FCHSD2: variants seen among roughly 807,000 people sequenced by gnomAD.
FCHSD2 encodes F-BAR and double SH3 domains protein 2.
In FCHSD2, 38 loss-of-function variants were observed where a neutral mutation model predicts 108.1. That is an observed-to-expected ratio of 0.35 (90% CI 0.27 to 0.46). The LOEUF is 0.46. FCHSD2 is among the 20% of genes least tolerant of loss of function. The pLI, the probability that FCHSD2 is intolerant of heterozygous loss-of-function variation, is 1.00. For missense variants in FCHSD2, 751 were observed against 897.8 expected, an observed-to-expected ratio of 0.84 and a Z score of 2.09; for synonymous variants, 279 against 314.7, an observed-to-expected ratio of 0.89 and a Z score of 1.20.
intron 1 of FCHSD2, chr11:73,141,306 C>T (rs1029029608): frequency 6.5e-6 from 1 of 154,112 alleles, no homozygotes; most frequent in African/African-American, 2.4e-5. Context: ...CCCGTCAATC[C>T]TTAATTTGTT....
chr11:72,987,390 T>G (rs1459084628), intron 6 of FCHSD2, among the ~76,000 whole-genome samples: 1 of 152,234 alleles, frequency 6.6e-6, no homozygotes, highest in Non-Finnish European at 1.5e-5. Flanking sequence ...AGTAAGTTAT[T>G]AGTTAATATT....
chr11:73,036,248 A>G (rs1251148047), intron 3 of FCHSD2, among the ~76,000 whole-genome samples: 1 of 152,082 alleles, frequency 6.6e-6, no homozygotes, highest in African/African-American at 2.4e-5. Context: ...GAAACATTAA[A>G]GTATTGGAGC....
chr11:72,938,667 T>C (rs1856352432), intron 8 of FCHSD2, among the ~76,000 whole-genome samples: 1 of 151,440 alleles, frequency 6.6e-6, no homozygotes. Context: ...CTGGAGAGGG[T>C]CAATTTTCAT....
chr11:72,941,162 AAAAT>A (rs1345509904), intron 8 of FCHSD2: 4 of 385,252 alleles, frequency 1.0e-5, no homozygotes, highest in African/African-American at 2.0e-5. Context: ...GACAGTCAAA[AAAAT>A]AAATAAATAA....
intron 2 of FCHSD2, among the ~76,000 whole-genome samples, chr11:73,092,521 T>A (rs989131896): frequency 2.0e-5 from 3 of 152,212 alleles, no homozygotes; most frequent in Admixed American, 2.0e-4. Flanking sequence ...AGCATTTAAG[T>A]ATACTCTGTA....
At chr11:73,082,356 A>AAAAG (rs1859713475) in intron 3 of FCHSD2, among the ~76,000 whole-genome samples, 2 of 149,918 alleles carry the variant, frequency 1.3e-5, no homozygotes, top group Middle Eastern at 3.2e-3. Context: ...AAAAAAAAAA[A>AAAAG]AAAAAAGAAA....
intron 14 of FCHSD2, among the ~76,000 whole-genome samples, chr11:72,844,123 C>T (rs1298007108): frequency 1.3e-5 from 2 of 152,174 alleles, no homozygotes; most frequent in African/African-American, 4.8e-5. Context: ...AAATGACAAT[C>T]CTGCCATTTT....
chr11:73,064,116 C>T (rs1223237418), intron 3 of FCHSD2, among the ~76,000 whole-genome samples: 1 of 152,106 alleles, frequency 6.6e-6, no homozygotes, highest in Non-Finnish European at 1.5e-5. Context: ...CAAACTAGAA[C>T]TCAGGATTAA....
At chr11:72,951,701 T>C (rs1287514154) in intron 8 of FCHSD2, among the ~76,000 whole-genome samples, 1 of 152,224 alleles carries the variant, frequency 6.6e-6, no homozygotes, top group Non-Finnish European at 1.5e-5. Context: ...CCTGGTTTGA[T>C]GGAAGAAACA....
chr11:72,885,186 C>G (rs1417508667), intron 12 of FCHSD2, among the ~76,000 whole-genome samples: 1 of 151,856 alleles, frequency 6.6e-6, no homozygotes, highest in Non-Finnish European at 1.5e-5. Context: ...CTCATATTTG[C>G]TGGCTAATTT....
chr11:72,967,442 GT>G (rs1856931385), intron 8 of FCHSD2, among the ~76,000 whole-genome samples: 1 of 152,060 alleles, frequency 6.6e-6, no homozygotes, highest in East Asian at 1.9e-4. Context: ...AAAAAATAAA[GT>G]ACTATTACTA....
intron 12 of FCHSD2, among the ~76,000 whole-genome samples, chr11:72,870,410 T>C (rs1036242919): frequency 1.3e-5 from 2 of 152,120 alleles, no homozygotes; most frequent in Non-Finnish European, 2.9e-5. Flanking sequence ...ATATCCTATA[T>C]AACTGTGCTT....
intron 8 of FCHSD2, among the ~76,000 whole-genome samples, chr11:72,947,524 C>A (rs1196260165): frequency 6.6e-6 from 1 of 152,222 alleles, no homozygotes; most frequent in Non-Finnish European, 1.5e-5. Context: ...ATGAACTAAT[C>A]AACCAGAGTC....
intron 8 of FCHSD2, among the ~76,000 whole-genome samples, chr11:72,978,988 G>A (rs1455079018): frequency 1.3e-5 from 2 of 151,234 alleles, no homozygotes; most frequent in Non-Finnish European, 2.9e-5. Context: ...TCCCTGAGTA[G>A]CTGGGACTAC....
intron 3 of FCHSD2, among the ~76,000 whole-genome samples, chr11:73,079,048 A>G (rs574944851): frequency 1.3e-5 from 2 of 152,194 alleles, no homozygotes; most frequent in Admixed American, 1.3e-4. Context: ...CTTAATCTGG[A>G]TAATAGTTTA....
At chr11:72,968,072 C>T (rs1040325510) in intron 8 of FCHSD2, among the ~76,000 whole-genome samples, 1 of 134,422 alleles carries the variant, frequency 7.4e-6, no homozygotes, top group Admixed American at 7.9e-5. Context: ...GCCTGGGCAA[C>T]AGAGCAAGAC....
At chr11:73,068,918 G>A (rs950956175) in intron 3 of FCHSD2, among the ~76,000 whole-genome samples, 1 of 151,596 alleles carries the variant, frequency 6.6e-6, no homozygotes, top group African/African-American at 2.4e-5. Context: ...GGGAGGCTGA[G>A]GTAGGAGGAT....
At position 73,037,824 on chromosome 11, in the gene FCHSD2, G is replaced by C. The variant is rs544057484; in HGVS notation, c.166-21939C>G. On this transcript the variant is annotated intron_variant, in intron 3 of 19. Coordinates refer to ENST00000409418, the MANE Select transcript of FCHSD2 (RefSeq NM_014824.3). ...AAAGCAATCACACTTGTTATGCATAGAGCAGAACCTCAAACATAGTGGACA... is the reference window on the plus strand; with the variant it reads ...AAAGCAATCACACTTGTTATGCATACAGCAGAACCTCAAACATAGTGGACA... Among the ~76,000 whole-genome samples, 3 of 152,298 alleles carry C rather than the reference G, an allele frequency of 2.0e-5. No individual in the cohort carries two copies. In the South Asian group the frequency reaches 6.2e-4, roughly 32 times the overall value.
chr11:73,084,683 C>T (rs183875624), intron 2 of FCHSD2, among the ~76,000 whole-genome samples: 14 of 152,312 alleles, frequency 9.2e-5, no homozygotes, highest in Admixed American at 8.5e-4. Flanking sequence ...CATGGGCCAA[C>T]GTGCTTAGCC....
Sources: gnomAD v4.1 joint callset for allele counts (sites outside exome capture counted in the v4.1 genomes callset) on GRCh38, gnomAD v4.1.1 for gene constraint, MANE v1.5 for transcripts, NCBI Gene and HGNC (gene_info 2026-07-23, HGNC 2026-07-21) for gene names.